The following EPHA4 variants were observed in gnomAD, a reference collection of about 807,000 sequenced individuals.
The protein encoded by EPHA4 is EPH receptor A4, also known as ephrin type-A receptor 4.
Under a neutral mutation model 108.3 loss-of-function variants are expected in EPHA4, and 19 were observed. That is an observed-to-expected ratio of 0.18 (90% CI 0.12 to 0.26). EPHA4 has a LOEUF of 0.26. EPHA4 is among the 10% of genes least tolerant of loss of function. The pLI is 1.00. For synonymous variants in EPHA4, 449 were observed against 455.5 expected (o/e 0.99, Z 0.18); for missense variants, 917 against 1,254.0 (o/e 0.73, Z 4.06).
intron 5 of EPHA4, among the ~76,000 whole-genome samples, chr2:221,466,334 C>T (rs781469592): frequency 2.6e-5 from 4 of 152,148 alleles, no homozygotes; most frequent in Admixed American, 2.6e-4. Flanking sequence ...AAAACTGAGG[C>T]CCTGTGAATT....
chr2:221,430,609 C>T (rs963014000), intron 14 of EPHA4, among the ~76,000 whole-genome samples: 10 of 152,238 alleles, frequency 6.6e-5, no homozygotes, highest in East Asian at 1.9e-4. Flanking sequence ...TTTTCTTTGC[C>T]TCCTTTTAAG....
intron 5 of EPHA4, among the ~76,000 whole-genome samples, chr2:221,480,101 T>C (rs567122537): frequency 1.2e-4 from 13 of 110,332 alleles, no homozygotes. Flanking sequence ...TTTTGGAGGA[T>C]TTTAGTGTGT....
At chr2:221,488,010 T>C (rs1011059515) in intron 4 of EPHA4, among the ~76,000 whole-genome samples, 28 of 152,100 alleles carry the variant, frequency 1.8e-4, no homozygotes, top group African/African-American at 6.5e-4. Context: ...AATTTCTCTG[T>C]AAAGAAATTT....
chr2:221,495,687 C>G (rs991006537), intron 4 of EPHA4, among the ~76,000 whole-genome samples: 4 of 152,178 alleles, frequency 2.6e-5, no homozygotes, highest in Non-Finnish European at 5.9e-5. Flanking sequence ...CGATTAAATT[C>G]TCTTAAGCTC....
intron 3 of EPHA4, among the ~76,000 whole-genome samples, chr2:221,522,251 A>T (rs2106174939): frequency 6.6e-6 from 1 of 152,302 alleles, no homozygotes; most frequent in South Asian, 2.1e-4. Flanking sequence ...GCATGAAGAA[A>T]CCCAAGAGAA....
At chr2:221,495,269 T>C (rs1210420709) in intron 4 of EPHA4, among the ~76,000 whole-genome samples, 8 of 152,176 alleles carry the variant, frequency 5.3e-5, no homozygotes, top group African/African-American at 1.9e-4. Context: ...ATGAAATACC[T>C]TTCTAGAGTC....
At chr2:221,518,552 T>C (rs1407491097) in intron 3 of EPHA4, among the ~76,000 whole-genome samples, 1 of 152,226 alleles carries the variant, frequency 6.6e-6, no homozygotes, top group East Asian at 1.9e-4. Context: ...AGTATACGAA[T>C]GAATGAATGA....
At position 221,466,531 on chromosome 2, in the gene EPHA4, G is replaced by A. The variant is rs561041300; in HGVS notation, c.1319-8541C>T. Among the ~76,000 whole-genome samples, 80 of 152,264 alleles carry A rather than the reference G, an allele frequency of 5.3e-4. 1 individual carries two copies. Among genetic ancestry groups the A allele is most frequent in the African/African-American group, 1.5e-3 (64 of 41,546 alleles). ...AAAGAAATTAAATAATTTGACCAAA[G>A]CCATAAAATGAGATTTAAAACTCAA... is the stretch of plus-strand genomic sequence containing the variant. On this transcript the variant is annotated intron_variant, in intron 5 of 17. Transcript: ENST00000281821.
chr2:221,485,197 G>A (rs544353719), intron 4 of EPHA4, among the ~76,000 whole-genome samples: 87 of 152,272 alleles, frequency 5.7e-4, no homozygotes, highest in African/African-American at 1.8e-3. Context: ...TATGTAGGAC[G>A]GGGCACGGCA....
rs1247860063 is a variant in EPHA4, at chr2:221,571,038, C to T, written c.91+1120G>A. Among the ~76,000 whole-genome samples the T allele has an allele frequency of 6.6e-6, 1 of 152,126 alleles. No individual in the cohort carries two copies. Among genetic ancestry groups the T allele is most frequent in the African/African-American group, 2.4e-5 (1 of 41,414 alleles). ...CTGGAACAGAGCACGAGCATACACT[C>T]GAACACACGCGCACACACTCAGGAC... On this transcript the variant is annotated intron_variant, in intron 1 of 17. Transcript: ENST00000281821. The surrounding 1 kb of genome is among the most constrained non-coding windows in gnomAD (Gnocchi z 6.3).
intron 3 of EPHA4, among the ~76,000 whole-genome samples, chr2:221,510,098 G>A (rs1692781204): frequency 6.6e-6 from 1 of 152,106 alleles, no homozygotes. Flanking sequence ...AGGGGAAGAT[G>A]GAAATGACCA....
At chr2:221,420,651 G>T (rs1188801304) in intron 17 of EPHA4, 99 bp from the exon 18 acceptor site, 1 of 152,202 alleles carries the variant, frequency 6.6e-6, no homozygotes, top group African/African-American at 2.4e-5. Context: ...GTTCGTAGAA[G>T]TTGGTATCCT....
At chr2:221,517,186 G>A (rs1693014622) in intron 3 of EPHA4, among the ~76,000 whole-genome samples, 1 of 152,098 alleles carries the variant, frequency 6.6e-6, no homozygotes, top group South Asian at 2.1e-4. Context: ...TGGTTCATAG[G>A]GGATCTCAAT....
intron 13 of EPHA4, among the ~76,000 whole-genome samples, chr2:221,435,658 A>G (rs772759317): frequency 2.6e-5 from 4 of 152,152 alleles, no homozygotes; most frequent in Non-Finnish European, 2.9e-5. Flanking sequence ...TGTTTATTCC[A>G]TTAGTATTTT....
chr2:221,461,765 AG>A (rs1363249078), intron 5 of EPHA4, among the ~76,000 whole-genome samples: 3 of 152,170 alleles, frequency 2.0e-5, no homozygotes, highest in Non-Finnish European at 4.4e-5. Context: ...GTAGTCTTAA[AG>A]AAAAAACACT....
chr2:221,525,913 CTG>C (rs1177304570), intron 3 of EPHA4, among the ~76,000 whole-genome samples: 2 of 152,148 alleles, frequency 1.3e-5, no homozygotes, highest in Non-Finnish European at 2.9e-5. Context: ...CTATTAGATA[CTG>C]TGTTTCCCAT....
At chr2:221,556,511 C>T (rs1173729907) in intron 3 of EPHA4, among the ~76,000 whole-genome samples, 1 of 140,582 alleles carries the variant, frequency 7.1e-6, no homozygotes, top group East Asian at 2.1e-4. Context: ...GGGGTTTCAA[C>T]ATATTGGTCT....
rs1182430282 is a variant in EPHA4 at position 221,484,604 on chromosome 2, T to C, written c.980-1914A>G. Among the ~76,000 whole-genome samples the C allele has an allele frequency of 1.3e-5, 2 of 152,212 alleles. 1 individual carries two copies. The highest frequency in any genetic ancestry group is 3.8e-4 in the East Asian group (2 of 5,200). On this transcript the variant is annotated intron_variant, in intron 4 of 17. Coordinates refer to ENST00000281821, the MANE Select transcript of EPHA4 (RefSeq NM_004438.5). ...ACTGCATTTACAGTTTTTAGCATGGTAACTGGAATATAATGACAAATGAAT... is the reference window on the plus strand; with the variant it reads ...ACTGCATTTACAGTTTTTAGCATGGCAACTGGAATATAATGACAAATGAAT...
At chr2:221,572,063 T>TC in intron 1 of EPHA4, 95 bp downstream of exon 1, 4 of 1,016,250 alleles carry the variant, frequency 3.9e-6, no homozygotes, top group Non-Finnish European at 6.1e-6. Context: ...CACACTGGGC[T>TC]CCCCCCGCAC....
Sources: allele counts gnomAD v4.1 joint callset (sites outside exome capture counted in the v4.1 genomes callset), GRCh38; gene constraint gnomAD v4.1.1; non-coding constraint Gnocchi (gnomAD v3.1); transcripts MANE v1.5; gene names NCBI Gene and HGNC (gene_info 2026-07-23, HGNC 2026-07-21).